Variants in NPAS3 observed in about 807,000 individuals in gnomAD.
NPAS3 encodes neuronal PAS domain protein 3.
NPAS3 carries 14 observed loss-of-function variants against 73.1 expected under a neutral mutation model. The ratio of observed to expected loss-of-function variants is 0.19; its 90% confidence interval spans 0.13 to 0.30. The LOEUF (loss-of-function observed/expected upper bound fraction) is 0.30. Ranked by LOEUF, NPAS3 falls within the 10% of genes least tolerant of loss-of-function variation. The pLI is 1.00. For synonymous variants in NPAS3, 620 were observed against 541.5 expected (o/e 1.14, Z -2.01); for missense variants, 1,096 against 1,250.0 (o/e 0.88, Z 1.86).
intron 4 of NPAS3, among the ~76,000 whole-genome samples, chr14:33,424,133 C>A (rs1158480838): frequency 6.8e-6 from 1 of 146,834 alleles, no homozygotes; most frequent in Non-Finnish European, 1.5e-5. Flanking sequence ...TTGACTTGGC[C>A]TGGTTTGAAA....
At chr14:33,049,744 A>C (rs12895878) in intron 1 of NPAS3, among the ~76,000 whole-genome samples, 5 of 152,192 alleles carry the variant, frequency 3.3e-5, no homozygotes, top group Non-Finnish European at 7.3e-5. Context: ...TTGCATTCAC[A>C]TCTGGTTCCA....
In NPAS3 at chr14:33,397,009, G is replaced by T. The variant is rs974835070; in HGVS notation, c.468+29741G>T. Among the ~76,000 whole-genome samples the T allele has an allele frequency of 1.3e-5, 2 of 152,048 alleles. 1 individual carries two copies. The highest frequency in any genetic ancestry group is 4.1e-4 in the South Asian group (2 of 4,824). On this transcript the variant is annotated intron_variant, in intron 4 of 11. Coordinates refer to ENST00000356141, the Ensembl canonical transcript of NPAS3. ...TAGACACAAATATAAAATGGTGGTG[G>T]CATTATTATAACAGATTTTCACAGT...
At chr14:33,644,047 A>G (rs949553702) in intron 5 of NPAS3, among the ~76,000 whole-genome samples, 4 of 152,198 alleles carry the variant, frequency 2.6e-5, no homozygotes, top group Non-Finnish European at 4.4e-5. Context: ...TAAAAGGTGA[A>G]AGAAAAAGTA....
chr14:33,802,357 C>A, downstream of NPAS3: 1 of 77,578 alleles, frequency 1.3e-5, no homozygotes. Flanking sequence ...ATAACTGCAA[C>A]TGAAAACTGC....
At chr14:33,261,802 A>C (rs991524677) in intron 3 of NPAS3, among the ~76,000 whole-genome samples, 1 of 152,174 alleles carries the variant, frequency 6.6e-6, no homozygotes, top group African/African-American at 2.4e-5. Flanking sequence ...AAATTCACAC[A>C]TCATTTTATC....
intron 4 of NPAS3, among the ~76,000 whole-genome samples, chr14:33,484,534 T>C (rs1279406541): frequency 1.3e-5 from 2 of 152,118 alleles, no homozygotes; most frequent in South Asian, 2.1e-4. Flanking sequence ...GTCAGAATAA[T>C]AACACAGGCA....
intron 3 of NPAS3, among the ~76,000 whole-genome samples, chr14:33,342,647 G>A (rs2044541046): frequency 6.6e-6 from 1 of 152,096 alleles, no homozygotes; most frequent in South Asian, 2.1e-4. Context: ...GTATTAACAT[G>A]ATTATTTTAT....
chr14:33,750,046 C>T (rs772029694), intron 7 of NPAS3, among the ~76,000 whole-genome samples: 4 of 152,128 alleles, frequency 2.6e-5, no homozygotes, highest in Admixed American at 1.3e-4. Flanking sequence ...AAGGATGGTA[C>T]TCTGCTAGTG....
chr14:33,450,614 TA>T (rs1201952226), intron 4 of NPAS3, among the ~76,000 whole-genome samples: 14 of 152,368 alleles, frequency 9.2e-5, no homozygotes, highest in Admixed American at 3.9e-4. Flanking sequence ...ATACTGTTGT[TA>T]TTTCGCTGCC....
At chr14:33,136,058 C>CTTTTTT (rs34308954) in intron 2 of NPAS3, among the ~76,000 whole-genome samples, 3 of 115,406 alleles carry the variant, frequency 2.6e-5, no homozygotes, top group Non-Finnish European at 3.6e-5. Context: ...TACCTTTTTT[C>CTTTTTT]TTTTTTTTTT....
intron 5 of NPAS3, among the ~76,000 whole-genome samples, chr14:33,580,471 A>C (rs1211631441): frequency 6.6e-6 from 1 of 152,196 alleles, no homozygotes; most frequent in Non-Finnish European, 1.5e-5. Flanking sequence ...TGTATTTTAA[A>C]GGCCTAACTG....
chr14:33,168,292 G>C (rs2045245177), intron 2 of NPAS3, among the ~76,000 whole-genome samples: 1 of 152,026 alleles, frequency 6.6e-6, no homozygotes, highest in Admixed American at 6.5e-5. Flanking sequence ...ACTGTGTGTA[G>C]AACAGCTGTA....
At chr14:33,026,012 G>A (rs983032403) in intron 1 of NPAS3, among the ~76,000 whole-genome samples, 4 of 152,178 alleles carry the variant, frequency 2.6e-5, no homozygotes, top group Middle Eastern at 6.3e-3. Flanking sequence ...AAAATAAGAT[G>A]TTTTAATTTC....
intron 1 of NPAS3, among the ~76,000 whole-genome samples, chr14:32,979,221 T>C (rs1350674441): frequency 6.6e-6 from 1 of 152,216 alleles, no homozygotes; most frequent in Non-Finnish European, 1.5e-5. Flanking sequence ...CTTTAAAAGA[T>C]AACTCTTGAC....
chr14:33,329,016 A>AT (rs930024532), intron 3 of NPAS3, among the ~76,000 whole-genome samples: 16 of 151,618 alleles, frequency 1.1e-4, no homozygotes, highest in East Asian at 5.8e-4. Flanking sequence ...TTTTTTCTCT[A>AT]TTTTTTTTGG....
At chr14:33,408,416 T>C (rs999519303) in intron 4 of NPAS3, among the ~76,000 whole-genome samples, 1 of 152,090 alleles carries the variant, frequency 6.6e-6, no homozygotes, top group South Asian at 2.1e-4. Context: ...GCCATACACA[T>C]GGAAAAGGGG....
At chr14:33,464,342 C>T (rs558818254) in intron 4 of NPAS3, among the ~76,000 whole-genome samples, 4 of 152,160 alleles carry the variant, frequency 2.6e-5, no homozygotes, top group East Asian at 1.9e-4. Flanking sequence ...AATGAATCGG[C>T]GTTAACTCAT....
At chr14:33,139,162 A>G (rs749298455) in intron 2 of NPAS3, among the ~76,000 whole-genome samples, 3 of 152,188 alleles carry the variant, frequency 2.0e-5, no homozygotes, top group Non-Finnish European at 2.9e-5. Flanking sequence ...AATTACCTCC[A>G]GTGAGGATCA....
intron 9 of NPAS3, among the ~76,000 whole-genome samples, chr14:33,784,741 A>ATTTATTTATTTATTTATTT (rs1555333492): frequency 1.4e-5 from 1 of 72,774 alleles, no homozygotes; most frequent in Non-Finnish European, 2.5e-5. Flanking sequence ...TTATTTATTT[A>ATTTATTTATTTATTTATTT]TTTATTTTTT....
Sources: gnomAD v4.1 joint callset for allele counts (sites outside exome capture counted in the v4.1 genomes callset) on GRCh38, gnomAD v4.1.1 for gene constraint, MANE v1.5 for transcripts, NCBI Gene and HGNC (gene_info 2026-07-23, HGNC 2026-07-21) for gene names.